ATP11C: variants seen among roughly 807,000 people sequenced by gnomAD.
ATP11C encodes the protein ATPase phospholipid transporting 11C (ATP11C blood group).
In ATP11C, 36 loss-of-function variants were observed where a neutral mutation model predicts 97.4. That is an observed-to-expected ratio of 0.37 (90% CI 0.28 to 0.49). ATP11C has a LOEUF of 0.49. ATP11C is among the 20% of genes least tolerant of loss of function. The probability of loss-of-function intolerance (pLI) is 0.98; values close to 1 mark genes in which losing one functional copy is unlikely to be tolerated. For synonymous variants in ATP11C, 275 were observed against 290.9 expected (o/e 0.95, Z 0.56); for missense variants, 730 against 824.6 (o/e 0.89, Z 1.40).
intron 17 of ATP11C, 74 bp from the exon 18 acceptor site, chrX:139,782,802 C>G: frequency 1.3e-6 from 1 of 784,368 alleles, no homozygotes; most frequent in Non-Finnish European, 1.8e-6. Flanking sequence ...TCTGTAAATA[C>G]TCTTGCTTTA....
intron 1 of ATP11C, among the ~76,000 whole-genome samples, chrX:139,916,580 G>A (rs923753188): frequency 1.1e-4 from 12 of 111,367 alleles, no homozygotes; most frequent in African/African-American, 3.6e-4. Context: ...GAAGGATCAG[G>A]AACAGCTTCC....
intron 1 of ATP11C, among the ~76,000 whole-genome samples, chrX:139,915,930 T>C (rs2085149402): frequency 9.0e-6 from 1 of 111,365 alleles, no homozygotes; most frequent in African/African-American, 3.3e-5. Context: ...GATGTATGTA[T>C]TATAAAACAC....
intron 29 of ATP11C, among the ~76,000 whole-genome samples, chrX:139,730,332 C>T (rs952886293): frequency 9.1e-6 from 1 of 110,280 alleles, no homozygotes; most frequent in Admixed American, 9.9e-5. Context: ...AGCTAAAATG[C>T]ATCACACAGC....
chrX:139,893,719 G>A (rs190598850), intron 1 of ATP11C, among the ~76,000 whole-genome samples: 293 of 103,846 alleles, frequency 2.8e-3, no homozygotes, highest in African/African-American at 0.01. Context: ...GAGGACCATT[G>A]AGAAAGTTAC....
intron 2 of ATP11C, among the ~76,000 whole-genome samples, chrX:139,823,743 C>T (rs2083461285): frequency 8.9e-6 from 1 of 112,088 alleles, no homozygotes; most frequent in Admixed American, 9.5e-5. Context: ...AAAAACTCTT[C>T]TGGACATTAG....
intron 1 of ATP11C, among the ~76,000 whole-genome samples, chrX:139,836,103 T>C (rs2083745718): frequency 1.0e-5 from 1 of 97,345 alleles, no homozygotes; most frequent in African/African-American, 3.8e-5. Context: ...TGTTTCAGCC[T>C]AGTCCCCTAA....
chrX:139,908,680 A>C (rs1018619978), intron 1 of ATP11C, among the ~76,000 whole-genome samples: 6 of 112,459 alleles, frequency 5.3e-5, no homozygotes, highest in African/African-American at 1.9e-4. Flanking sequence ...TACCTTCCTG[A>C]CAATAACATA....
At chrX:139,748,597 CAA>C (rs2081742697) in intron 24 of ATP11C, among the ~76,000 whole-genome samples, 1 of 111,085 alleles carries the variant, frequency 9.0e-6, no homozygotes, top group Admixed American at 9.6e-5. Flanking sequence ...TCCTTATTTT[CAA>C]AAAGAGTGTA....
intron 1 of ATP11C, among the ~76,000 whole-genome samples, chrX:139,931,544 T>G (rs1210042867): frequency 8.9e-6 from 1 of 112,613 alleles, no homozygotes; most frequent in Non-Finnish European, 1.9e-5. Flanking sequence ...AGGCTGAGTC[T>G]TGCCCTAGTC....
intron 4 of ATP11C, among the ~76,000 whole-genome samples, chrX:139,816,562 T>TA (rs1322727719): frequency 1.8e-5 from 2 of 111,901 alleles, no homozygotes; most frequent in Admixed American, 1.9e-4. Context: ...CACACAGACA[T>TA]ACCACGCTGA....
intron 28 of ATP11C, 26 bp downstream of exon 28, chrX:139,737,890 G>A: frequency 8.4e-7 from 1 of 1,193,376 alleles, no homozygotes; most frequent in Non-Finnish European, 1.1e-6. Context: ...CCAAAAATCA[G>A]GTTGTAAGAT....
At chrX:139,930,953 A>T (rs904588231) in intron 1 of ATP11C, among the ~76,000 whole-genome samples, 5 of 112,591 alleles carry the variant, frequency 4.4e-5, no homozygotes, top group Non-Finnish European at 7.5e-5. Context: ...CAAAAGATAT[A>T]TTTTAAGGCA....
chrX:139,730,394 G>C (rs2081317508), intron 29 of ATP11C, among the ~76,000 whole-genome samples: 1 of 111,329 alleles, frequency 9.0e-6, no homozygotes, highest in Non-Finnish European at 1.9e-5. Flanking sequence ...AAGGTTACTT[G>C]TGAAGCAGAT....
At chrX:139,930,519 C>G (rs1409300027) in intron 1 of ATP11C, among the ~76,000 whole-genome samples, 1 of 111,356 alleles carries the variant, frequency 9.0e-6, no homozygotes, top group African/African-American at 3.3e-5. Context: ...TTTGTCACCC[C>G]CACGCAACAC....
chrX:139,732,044 A>T (rs1603327058), intron 28 of ATP11C, among the ~76,000 whole-genome samples: 1 of 111,450 alleles, frequency 9.0e-6, no homozygotes. Flanking sequence ...TAATATGGTA[A>T]GATGAGTCAA....
intron 1 of ATP11C, among the ~76,000 whole-genome samples, chrX:139,887,269 C>A (rs1006409409): frequency 6.3e-5 from 7 of 111,581 alleles, no homozygotes; most frequent in Non-Finnish European, 9.4e-5. Context: ...AAAATAGAAG[C>A]AAATATTCAT....
In ATP11C at chrX:139,859,867, C is replaced by T. The variant is rs2084154023; in HGVS notation, c.28-33044G>A. The stretch of plus-strand genomic sequence containing the variant: ...CTGTAATCCCAGCACTTTGGGAGGC[C>T]GAGGCGGGCGGATCACGAGGTCAGG... On this transcript the variant is annotated intron_variant, in intron 1 of 29. Transcript: ENST00000682941. Among the ~76,000 whole-genome samples, 2 of 81,612 alleles carry T rather than the reference C, an allele frequency of 2.5e-5. 1 individual carries two copies. Among genetic ancestry groups the T allele is most frequent in the African/African-American group, 2.1e-4 (2 of 9,543 alleles). 70.9% of individuals were successfully genotyped at this position (81,612 alleles called of 115,157 possible).
intron 5 of ATP11C, among the ~76,000 whole-genome samples, chrX:139,810,230 G>A (rs1042812775): frequency 1.3e-4 from 15 of 111,659 alleles, no homozygotes; most frequent in African/African-American, 4.2e-4. Context: ...GGAGGCCGGG[G>A]TGGATGGATC....
At position 139,785,304 on chromosome X, in the gene ATP11C, A is replaced by C; in HGVS notation, c.1593-5T>G. The C allele has an allele frequency of 8.5e-7, 1 of 1,181,422 alleles. No homozygotes were observed. Among genetic ancestry groups the C allele is most frequent in the Non-Finnish European group, 1.1e-6 (1 of 871,401 alleles). ...AAGGTGTGAAGAAGTTCATATCTTT[A>C]AGAGAAATGAGCAAAGTAAAAAACC... On this transcript the variant is annotated splice_region_variant and splice_polypyrimidine_tract_variant and intron_variant, in intron 15 of 29. Coordinates refer to ENST00000682941, the MANE Select transcript of ATP11C (RefSeq NM_001353812.2).
Sources: gnomAD v4.1 joint callset for allele counts (sites outside exome capture counted in the v4.1 genomes callset) on GRCh38, gnomAD v4.1.1 for gene constraint, MANE v1.5 for transcripts, NCBI Gene and HGNC (gene_info 2026-07-23, HGNC 2026-07-21) for gene names.